The following ZFAND4 variants were observed in gnomAD, a reference collection of about 807,000 sequenced individuals.
ZFAND4 encodes zinc finger AN1-type containing 4.
ZFAND4 carries 43 observed loss-of-function variants against 64.4 expected under a neutral mutation model. The observed-to-expected ratio is 0.67, with a 90% confidence interval of 0.52 to 0.86. The LOEUF (loss-of-function observed/expected upper bound fraction) is 0.86, where lower values mean the gene tolerates loss of function less well. ZFAND4 is among the 40% of genes least tolerant of loss of function. The probability of loss-of-function intolerance (pLI) is 0.00; values close to 1 mark genes in which losing one functional copy is unlikely to be tolerated. For synonymous variants in ZFAND4, 296 were observed against 305.7 expected, an observed-to-expected ratio of 0.97 and a Z score of 0.33; for missense variants, 929 against 859.8, an observed-to-expected ratio of 1.08 and a Z score of -1.01.
chr10:45,626,377 C>T lies in ZFAND4; in HGVS notation c.1446G>A (p.Ser482=), dbSNP rs778399099. Residue 482 remains serine, a synonymous_variant, in exon 7 of 10, where the codon TCG becomes TCA. Coordinates refer to ENST00000344646, the MANE Select transcript of ZFAND4 (RefSeq NM_174890.4). ...CTGGTTTCACCAGAGAATTATGTAG[C>T]GACATTGGTGCAGAACAGCGAAGAG... ...LSPLRCSAPM[S]LHNSLVKPER... is the part of the protein sequence containing the mutation. The T allele has an allele frequency of 3.3e-5, 54 of 1,613,960 alleles. No individual in the cohort carries two copies. Among genetic ancestry groups the T allele is most frequent in the African/African-American group, 6.7e-5 (5 of 74,884 alleles).
chr10:45,668,311 C>T (rs1368411612), intron 1 of ZFAND4, among the ~76,000 whole-genome samples: 1 of 152,156 alleles, frequency 6.6e-6, no homozygotes, highest in African/African-American at 2.4e-5. Context: ...GAAATAAAAT[C>T]CTTTACAGAC....
rs982774148 is a variant in ZFAND4 at position 45,664,224 on chromosome 10, A to C, written c.-117-382T>G. Among the ~76,000 whole-genome samples, 4 of 151,726 alleles carry C rather than the reference A, an allele frequency of 2.6e-5. 1 individual carries two copies. The highest frequency in any genetic ancestry group is 5.9e-5 in the Non-Finnish European group (4 of 67,972). ...TATCCTTTTCTAAAACATACAAATT[A>C]TGTCTTCTATACCATATAAAGCATA... On this transcript the variant is annotated intron_variant, in intron 1 of 9. Coordinates refer to ENST00000344646, the MANE Select transcript of ZFAND4 (RefSeq NM_174890.4).
chr10:45,638,924 G>A (rs1035020252), intron 6 of ZFAND4, among the ~76,000 whole-genome samples: 4 of 152,130 alleles, frequency 2.6e-5, no homozygotes, highest in African/African-American at 4.8e-5. Flanking sequence ...AAGAACAGTC[G>A]TTATTTCTGA....
At chr10:45,624,676 A>G (rs2045671248) in intron 7 of ZFAND4, 39 bp from the exon 8 acceptor site, 5 of 1,531,128 alleles carry the variant, frequency 3.3e-6, no homozygotes, top group Admixed American at 1.7e-5. Context: ...AGGTGAGTCA[A>G]TGAAGAATAG....
chr10:45,632,489 T>C (rs914493655), intron 6 of ZFAND4, among the ~76,000 whole-genome samples: 1 of 151,882 alleles, frequency 6.6e-6, no homozygotes, highest in African/African-American at 2.4e-5. Flanking sequence ...AATGAGAGGA[T>C]GAAGAGAGAA....
chr10:45,637,117 G>A (rs2046655122), intron 6 of ZFAND4, among the ~76,000 whole-genome samples: 1 of 151,892 alleles, frequency 6.6e-6, no homozygotes, highest in Non-Finnish European at 1.5e-5. Context: ...AAGGTGGGAG[G>A]ACTACCTGAG....
rs2045858466 is a variant in ZFAND4, at chr10:45,626,731, A to C, written c.1092T>G (p.Pro364=). 1 of 1,614,124 alleles carries C rather than the reference A, an allele frequency of 6.2e-7. No individual in the cohort carries two copies. Among genetic ancestry groups the C allele is most frequent in the Non-Finnish European group, 8.5e-7 (1 of 1,180,056 alleles). The change falls in exon 7 of 10, where the codon CCT becomes CCG. Residue 364 remains proline (P), a synonymous_variant. Transcript: ENST00000344646. The stretch of plus-strand genomic sequence containing the variant: ...TTCCTAAAAAATGTTTTGTTTGCCT[A>C]GGCAGGGATGATCCAAGATGGAGAA... ...DSVLHLGSSL[P]RQTKHFLGNL... is the part of the protein sequence containing the mutation.
In ZFAND4 at chr10:45,626,565, A is replaced by G. The variant is rs201447029; in HGVS notation, c.1258T>C (p.Cys420Arg). 45 of 1,614,164 alleles carry G rather than the reference A, an allele frequency of 2.8e-5. No homozygotes were observed. The highest frequency in any genetic ancestry group is 3.6e-5 in the Non-Finnish European group (43 of 1,180,032). Residue 420 changes from cysteine to arginine, a missense_variant, in exon 7 of 10, where the codon TGC becomes CGC. Cys to Arg is a radical substitution (Grantham distance 180, BLOSUM62 -3). Coordinates refer to ENST00000344646, the MANE Select transcript of ZFAND4 (RefSeq NM_174890.4). ...DEQSSGLEGACKVNLELLLTN... is the reference protein window; with the variant it reads ...DEQSSGLEGARKVNLELLLTN... ...AGTAGCAACTCCAGATTCACTTTGC[A>G]CGCACCTTCTAAGCCGCTGCTCTGT...
chr10:45,667,819 T>C (rs909445672), intron 1 of ZFAND4, among the ~76,000 whole-genome samples: 1 of 152,132 alleles, frequency 6.6e-6, no homozygotes, highest in African/African-American at 2.4e-5. Flanking sequence ...CAGTACAAGA[T>C]TGAATAAAAG....
chr10:45,650,518 AAAAAG>A (rs1215662509), intron 4 of ZFAND4: 8 of 152,066 alleles, frequency 5.3e-5, no homozygotes, highest in Admixed American at 2.6e-4. Flanking sequence ...TCTCAAAAAA[AAAAAG>A]AAAAGTAAAA....
intron 3 of ZFAND4, 134 bp from the exon 4 acceptor site, chr10:45,652,167 C>A: frequency 1.3e-6 from 1 of 746,552 alleles, no homozygotes; most frequent in South Asian, 1.6e-5. Flanking sequence ...AATGTAAATA[C>A]ATATAAAATG....
chr10:45,616,459 C>T lies in ZFAND4; in HGVS notation c.2161G>A (p.Ala721Thr). The change falls in exon 10 of 10, where the codon GCA becomes ACA. Residue 721 changes from alanine to threonine, a missense_variant. Transcript: ENST00000344646. ...AGTTAGATTTTTGGAAGCTTTGGTG[C>T]ATTAACCACAGGATTTGCCTCGTGC... ...YLHEANPVVN[A>T]PKLPKI The T allele has an allele frequency of 1.2e-6, 2 of 1,614,100 alleles. No individual in the cohort carries two copies. Among genetic ancestry groups the T allele is most frequent in the Middle Eastern group, 1.6e-4 (1 of 6,062 alleles).
intron 5 of ZFAND4, among the ~76,000 whole-genome samples, chr10:45,641,610 C>A (rs1365380250): frequency 1.3e-5 from 2 of 152,190 alleles, no homozygotes; most frequent in Non-Finnish European, 2.9e-5. Context: ...TCTCCACAAC[C>A]AATTCAGTCT....
Position 45,640,531 on chromosome 10 carries a change from G to A in ZFAND4, c.570-568C>T, listed in dbSNP as rs1028263562. 2.5e-5 allele frequency: 20 copies of A among 794,210 alleles called. 1 individual carries two copies. The highest frequency in any genetic ancestry group is 6.4e-5 in the South Asian group (3 of 46,888). The allele number at this position is 794,210 out of a possible 1,614,324, so 49.2% of individuals were successfully genotyped here. A position where few individuals can be genotyped will look rare whatever the true frequency, so the allele number is the denominator to read the frequency against. On this transcript the variant is annotated intron_variant, in intron 5 of 9. Coordinates refer to ENST00000344646, the MANE Select transcript of ZFAND4 (RefSeq NM_174890.4). ...TTCTTGAGACAGTCTCACTCTTGTC[G>A]CCAGGCTGGAGTGCAATGGCACAAT...
intron 6 of ZFAND4, among the ~76,000 whole-genome samples, chr10:45,631,061 G>A (rs1038320286): frequency 6.6e-6 from 1 of 151,950 alleles, no homozygotes; most frequent in Non-Finnish European, 1.5e-5. Context: ...GCTCACGTCT[G>A]TAATCCTAGC....
intron 6 of ZFAND4, among the ~76,000 whole-genome samples, chr10:45,628,516 C>T (rs1020591229): frequency 5.9e-5 from 9 of 152,056 alleles, no homozygotes; most frequent in African/African-American, 2.2e-4. Context: ...TCTATGTTGG[C>T]CAGGCTGGTC....
intron 2 of ZFAND4, among the ~76,000 whole-genome samples, chr10:45,658,091 A>G (rs764663706): frequency 6.6e-6 from 1 of 152,236 alleles, no homozygotes. Flanking sequence ...CAAAATTCTT[A>G]GGTGGAAGTC....
At chr10:45,654,413 G>A (rs529251256) in intron 2 of ZFAND4, among the ~76,000 whole-genome samples, 3 of 152,264 alleles carry the variant, frequency 2.0e-5, no homozygotes, top group African/African-American at 4.8e-5. Context: ...GAGGTCAAGA[G>A]ATCGAGACCA....
At chr10:45,666,029 T>C (rs1331659950) in intron 1 of ZFAND4, among the ~76,000 whole-genome samples, 1 of 152,072 alleles carries the variant, frequency 6.6e-6, no homozygotes, top group Non-Finnish European at 1.5e-5. Flanking sequence ...AAGATGAACA[T>C]TCAACTGCAA....
Sources: gnomAD v4.1 joint callset for allele counts (sites outside exome capture counted in the v4.1 genomes callset) on GRCh38, gnomAD v4.1.1 for gene constraint, MANE v1.5 for transcripts, NCBI Gene and HGNC (gene_info 2026-07-23, HGNC 2026-07-21) for gene names.